DCAF8L2: variants seen among roughly 807,000 people sequenced by gnomAD.
DCAF8L2 encodes DDB1 and CUL4 associated factor 8 like 2.
For missense variants in DCAF8L2, 430 were observed against 490.7 expected, an observed-to-expected ratio of 0.88 and a Z score of 1.17; for synonymous variants, 200 against 190.9, an observed-to-expected ratio of 1.05 and a Z score of -0.39.
chrX:27,619,065 TTTAC>T (rs1361919051), intron 1 of DCAF8L2, among the ~76,000 whole-genome samples: 3 of 109,568 alleles, frequency 2.7e-5, no homozygotes, highest in Non-Finnish European at 5.7e-5. Flanking sequence ...TATCTATCTA[TTTAC>T]TTACCTACCT....
At chrX:27,471,136 T>A in the DCAF8L2 span, among the ~76,000 whole-genome samples, 1 of 112,028 alleles carries the variant, frequency 8.9e-6, no homozygotes, top group Non-Finnish European at 1.9e-5. Flanking sequence ...ACTAAGTTTT[T>A]AAAATGCAAA....
At chrX:27,554,039 C>T in the DCAF8L2 span, among the ~76,000 whole-genome samples, 8 of 111,628 alleles carry the variant, frequency 7.2e-5, no homozygotes, top group African/African-American at 2.0e-4. Flanking sequence ...CATTGTTACA[C>T]TAGAGGAAGT....
Position 27,728,254 on chromosome X carries a change from T to A in DCAF8L2, c.-59+12083T>A, listed in dbSNP as rs185211859. Among the ~76,000 whole-genome samples the A allele has an allele frequency of 2.2e-4, 24 of 111,597 alleles. No homozygotes were observed. In the East Asian group the frequency reaches 5.7e-3, roughly 26 times the overall value. Reference sequence around the variant, plus strand: ...TGTTCCTGGGGCACATTTAACACAATTTTTTTACATGATCCCATGGATAGA... The same window carrying A: ...TGTTCCTGGGGCACATTTAACACAAATTTTTTACATGATCCCATGGATAGA... On this transcript the variant is annotated intron_variant, in intron 4 of 4. Transcript: ENST00000451261.
At chrX:27,618,196 G>C (rs1376463878) in intron 1 of DCAF8L2, among the ~76,000 whole-genome samples, 1 of 111,593 alleles carries the variant, frequency 9.0e-6, no homozygotes, top group African/African-American at 3.3e-5. Context: ...ATATACAGTA[G>C]GATGAAAAAC....
the DCAF8L2 span, among the ~76,000 whole-genome samples, chrX:27,488,891 C>T: frequency 4.9e-3 from 537 of 109,441 alleles, 3 homozygotes; most frequent in Non-Finnish European, 7.1e-3. Flanking sequence ...GGTCTTCAAG[C>T]GATCCTCCCA....
the DCAF8L2 span, among the ~76,000 whole-genome samples, chrX:27,503,190 AT>A: frequency 9.0e-6 from 1 of 111,211 alleles, no homozygotes; most frequent in African/African-American, 3.3e-5. Context: ...TTCCCTATAT[AT>A]TTTTTAAATA....
At chrX:27,560,123 C>T in the DCAF8L2 span, among the ~76,000 whole-genome samples, 5 of 109,650 alleles carry the variant, frequency 4.6e-5, no homozygotes, top group African/African-American at 1.3e-4. Flanking sequence ...AAAAATTAGC[C>T]GGGCGTGGTG....
At chrX:27,560,869 C>T in the DCAF8L2 span, among the ~76,000 whole-genome samples, 1 of 112,098 alleles carries the variant, frequency 8.9e-6, no homozygotes, top group African/African-American at 3.2e-5. Context: ...CATACAGCAC[C>T]TTTTCCCACT....
chrX:27,503,884 G>A, the DCAF8L2 span, among the ~76,000 whole-genome samples: 3 of 111,688 alleles, frequency 2.7e-5, no homozygotes, highest in Admixed American at 2.9e-4. Context: ...GAACACACTA[G>A]ACATATAAAA....
intron 2 of DCAF8L2, among the ~76,000 whole-genome samples, chrX:27,665,231 A>T (rs1048176063): frequency 2.7e-5 from 3 of 110,804 alleles, no homozygotes; most frequent in Non-Finnish European, 5.7e-5. Context: ...TTACCAAAAA[A>T]TTTAAAAGAA....
In DCAF8L2 at chrX:27,657,960, T is replaced by C. The variant is rs139036193; in HGVS notation, c.-219-19876T>C. ...TGACAGAGAACTTTAATGAACAAAG[T>C]TAATTGTTCCAGTGGCAGTAGAAAT... On this transcript the variant is annotated intron_variant, in intron 2 of 4. Coordinates refer to ENST00000451261, the MANE Select transcript of DCAF8L2 (RefSeq NM_001353450.2). 9.1e-4 allele frequency among the ~76,000 whole-genome samples: 102 copies of C among 112,693 alleles called. No individual in the cohort carries two copies. The East Asian group carries it at 0.028, about 31-fold the overall frequency.
At chrX:27,585,284 A>G in the DCAF8L2 span, among the ~76,000 whole-genome samples, 3 of 111,100 alleles carry the variant, frequency 2.7e-5, no homozygotes, top group Non-Finnish European at 5.7e-5. Flanking sequence ...CAGTCTTAAT[A>G]TTGTCCATCA....
intron 3 of DCAF8L2, among the ~76,000 whole-genome samples, chrX:27,706,126 G>A (rs1931336333): frequency 9.0e-6 from 1 of 110,756 alleles, no homozygotes; most frequent in South Asian, 3.8e-4. Context: ...TTATTTCTTG[G>A]CTCTCTATTC....
In DCAF8L2 at chrX:27,619,814, G is replaced by A. The variant is rs1927668732; in HGVS notation, c.-341-12065G>A. 2.7e-5 allele frequency among the ~76,000 whole-genome samples: 3 copies of A among 110,305 alleles called. No homozygotes were observed. In the South Asian group the frequency reaches 1.1e-3, roughly 42 times the overall value. ...AGTAAAAGAAAGGATAACTTCTACT[G>A]CTTAAAATTTTAAAAACTGCATGAT... On this transcript the variant is annotated intron_variant, in intron 1 of 4. Transcript: ENST00000451261.
chrX:27,727,701 T>A (rs1932116195), intron 4 of DCAF8L2, among the ~76,000 whole-genome samples: 1 of 111,761 alleles, frequency 8.9e-6, no homozygotes, highest in Admixed American at 9.6e-5. Flanking sequence ...CGTGCTAAAA[T>A]TTTTATTTAG....
the DCAF8L2 span, chrX:27,517,801 A>G: frequency 8.9e-7 from 1 of 1,119,337 alleles, no homozygotes; most frequent in Non-Finnish European, 1.2e-6. Context: ...ACAGGTTTGT[A>G]TTGCCTTGTC....
chrX:27,502,464 G>A, the DCAF8L2 span, among the ~76,000 whole-genome samples: 1 of 97,345 alleles, frequency 1.0e-5, no homozygotes, highest in South Asian at 5.3e-4. Context: ...AATTGCCTAT[G>A]GTAGACCTGA....
At chrX:27,670,521 C>T (rs1453710712) in intron 2 of DCAF8L2, among the ~76,000 whole-genome samples, 4 of 111,211 alleles carry the variant, frequency 3.6e-5, no homozygotes, top group Non-Finnish European at 7.5e-5. Flanking sequence ...AGTGTTGTGA[C>T]GGGTGCTGAT....
chrX:27,619,928 AAAT>A (rs1462232633), intron 1 of DCAF8L2, among the ~76,000 whole-genome samples: 7 of 112,164 alleles, frequency 6.2e-5, no homozygotes, highest in Non-Finnish European at 1.1e-4. Flanking sequence ...ATGTCTTAAT[AAAT>A]AATCTAAAAG....
Sources: gnomAD v4.1 joint callset for allele counts (sites outside exome capture counted in the v4.1 genomes callset) on GRCh38, gnomAD v4.1.1 for gene constraint, MANE v1.5 for transcripts, NCBI Gene and HGNC (gene_info 2026-07-23, HGNC 2026-07-21) for gene names.